The following PDE3B variants were observed in gnomAD, a reference collection of about 807,000 sequenced individuals.
The protein encoded by PDE3B is phosphodiesterase 3B, also known as cGMP-inhibited 3',5'-cyclic phosphodiesterase 3B.
PDE3B carries 66 observed loss-of-function variants against 116.8 expected under a neutral mutation model. The ratio of observed to expected loss-of-function variants is 0.56; its 90% confidence interval spans 0.46 to 0.69. The LOEUF is 0.69. Ranked by LOEUF, PDE3B falls within the 30% of genes least tolerant of loss-of-function variation. The pLI is 0.00. For missense variants in PDE3B, 1,384 were observed against 1,368.1 expected, an observed-to-expected ratio of 1.01 and a Z score of -0.18; for synonymous variants, 595 against 533.6, an observed-to-expected ratio of 1.12 and a Z score of -1.59.
chr11:14,788,669 C>A (rs1382111845), intron 3 of PDE3B, among the ~76,000 whole-genome samples: 1 of 151,878 alleles, frequency 6.6e-6, no homozygotes, highest in Non-Finnish European at 1.5e-5. Context: ...CAGAATCCTG[C>A]AGTTTCTCCT....
chr11:14,647,300 A>G (rs1034098959), intron 1 of PDE3B, among the ~76,000 whole-genome samples: 1 of 152,018 alleles, frequency 6.6e-6, no homozygotes, highest in African/African-American at 2.4e-5. Flanking sequence ...TCATAGACAG[A>G]GGATTGAGGA....
chr11:14,886,533 CCT>C, the PDE3B span: 2 of 153,264 alleles, frequency 1.3e-5, no homozygotes, highest in African/African-American at 4.8e-5. Context: ...TAGGTGGCTG[CCT>C]CTCAGTTAAG....
intron 1 of PDE3B, among the ~76,000 whole-genome samples, chr11:14,664,824 A>T (rs898211699): frequency 6.6e-6 from 1 of 152,248 alleles, no homozygotes; most frequent in Admixed American, 6.5e-5. Context: ...TCACAGCCGA[A>T]TTATACCAGA....
chr11:14,804,705 G>C (rs565457881), intron 5 of PDE3B, among the ~76,000 whole-genome samples: 2 of 152,032 alleles, frequency 1.3e-5, no homozygotes, highest in South Asian at 4.2e-4. Context: ...GTAGGCACTA[G>C]AAAAAGATCT....
At chr11:14,875,467 C>G (rs1405625778), downstream of PDE3B, among the ~76,000 whole-genome samples, 2 of 152,120 alleles carry the variant, frequency 1.3e-5, no homozygotes, top group Non-Finnish European at 2.9e-5. Flanking sequence ...AATTAGATTT[C>G]TAACATTTGA....
At chr11:14,785,962 A>G (rs1858178766) in intron 2 of PDE3B, among the ~76,000 whole-genome samples, 1 of 152,090 alleles carries the variant, frequency 6.6e-6, no homozygotes, top group Non-Finnish European at 1.5e-5. Context: ...AATAAGGTAG[A>G]CATTACTATC....
chr11:14,789,268 A>G (rs764823448), intron 4 of PDE3B, 26 bp downstream of exon 4: 1 of 1,566,350 alleles, frequency 6.4e-7, no homozygotes, highest in Non-Finnish European at 8.7e-7. Flanking sequence ...CCTTTTAAGA[A>G]ACTTGAATCA....
intron 6 of PDE3B, among the ~76,000 whole-genome samples, chr11:14,818,688 C>G (rs1859412815): frequency 6.6e-6 from 1 of 151,688 alleles, no homozygotes; most frequent in African/African-American, 2.4e-5. Flanking sequence ...TATTCTTTTC[C>G]TTATTTATCT....
At chr11:14,811,740 C>A (rs1214978181) in intron 5 of PDE3B, among the ~76,000 whole-genome samples, 2 of 151,958 alleles carry the variant, frequency 1.3e-5, no homozygotes, top group Non-Finnish European at 2.9e-5. Context: ...GCAGTATGGC[C>A]ATTTTCACAA....
chr11:14,677,966 C>G (rs1353893943), intron 1 of PDE3B, among the ~76,000 whole-genome samples: 1 of 152,012 alleles, frequency 6.6e-6, no homozygotes, highest in African/African-American at 2.4e-5. Flanking sequence ...GGTCTGTTGC[C>G]CAGGCTTGAG....
intron 1 of PDE3B, among the ~76,000 whole-genome samples, chr11:14,743,910 A>G (rs1856838435): frequency 1.3e-5 from 2 of 152,120 alleles, no homozygotes; most frequent in Admixed American, 6.5e-5. Context: ...AACCAGTCCC[A>G]TTGAGATGAG....
chr11:14,807,113 G>A (rs906540244), intron 5 of PDE3B, among the ~76,000 whole-genome samples: 2 of 152,024 alleles, frequency 1.3e-5, no homozygotes, highest in African/African-American at 4.8e-5. Context: ...ATCTGAGGCT[G>A]GGGGGCTGGG....
At chr11:14,809,509 T>C (rs1010275905) in intron 5 of PDE3B, among the ~76,000 whole-genome samples, 1 of 152,234 alleles carries the variant, frequency 6.6e-6, no homozygotes, top group African/African-American at 2.4e-5. Context: ...TCTACTCATA[T>C]AAAATGTCTA....
intron 3 of PDE3B, among the ~76,000 whole-genome samples, chr11:14,786,968 C>T (rs1386150235): frequency 6.6e-6 from 1 of 151,952 alleles, no homozygotes; most frequent in Non-Finnish European, 1.5e-5. Flanking sequence ...CAGGCTTGTA[C>T]AACAAACTAG....
At position 14,644,171 on chromosome 11, in the gene PDE3B, G is replaced by T; in HGVS notation, c.96G>T (p.Val32=). Residue 32 remains valine (V), a synonymous_variant, in exon 1 of 16, where the codon GTG becomes GTT. Coordinates refer to ENST00000282096, the MANE Select transcript of PDE3B (RefSeq NM_000922.4). The part of the protein sequence containing the change: ...SPPESLRNGY[V]KSCVSPLRQD... Reference sequence around the variant, plus strand: ...CCGAGAGTCTGAGGAACGGCTACGTGAAGAGCTGCGTGAGCCCCTTGCGGC... The same window carrying T: ...CCGAGAGTCTGAGGAACGGCTACGTTAAGAGCTGCGTGAGCCCCTTGCGGC... The T allele has an allele frequency of 6.3e-7, 1 of 1,596,092 alleles. No homozygotes were observed. The highest frequency in any genetic ancestry group is 1.1e-5 in the South Asian group (1 of 90,272).
intron 5 of PDE3B, among the ~76,000 whole-genome samples, 173 bp from the exon 6 acceptor site, chr11:14,818,010 T>C (rs1329286176): frequency 6.6e-6 from 1 of 152,220 alleles, no homozygotes; most frequent in African/African-American, 2.4e-5. Context: ...TGGCAAATAT[T>C]GCATAAGTTT....
intron 1 of PDE3B, among the ~76,000 whole-genome samples, chr11:14,724,299 C>G (rs1409289343): frequency 6.6e-6 from 1 of 152,072 alleles, no homozygotes; most frequent in African/African-American, 2.4e-5. Context: ...ATTAAGGGTA[C>G]AGAACATTAA....
chr11:14,853,696 G>A (rs2133984811), intron 12 of PDE3B, among the ~76,000 whole-genome samples: 1 of 152,264 alleles, frequency 6.6e-6, no homozygotes, highest in African/African-American at 2.4e-5. Flanking sequence ...TCATTCTCAT[G>A]GTAAGGAATG....
chr11:14,866,358 A>G (rs1413660192), intron 14 of PDE3B, among the ~76,000 whole-genome samples: 3 of 152,148 alleles, frequency 2.0e-5, no homozygotes, highest in Non-Finnish European at 4.4e-5. Flanking sequence ...TGGTTATGCT[A>G]TTAAACTTTC....
Sources: gnomAD v4.1 joint callset for allele counts (sites outside exome capture counted in the v4.1 genomes callset) on GRCh38, gnomAD v4.1.1 for gene constraint, MANE v1.5 for transcripts, NCBI Gene and HGNC (gene_info 2026-07-23, HGNC 2026-07-21) for gene names.